SLC24A3: variants seen among roughly 807,000 people sequenced by gnomAD.
SLC24A3 encodes sodium/potassium/calcium exchanger 3.
A neutral mutation model predicts 75.8 loss-of-function variants in SLC24A3; 28 were observed. The ratio of observed to expected loss-of-function variants is 0.37; its 90% CI spans 0.27 to 0.51. SLC24A3 has a LOEUF of 0.51. Among genes scored for constraint, SLC24A3 ranks in the 20% least tolerant of loss-of-function variants. SLC24A3 has a pLI of 0.94. For synonymous variants in SLC24A3, 372 were observed against 334.1 expected, an observed-to-expected ratio of 1.11 and a Z score of -1.24; for missense variants, 663 against 847.8, an observed-to-expected ratio of 0.78 and a Z score of 2.71.
chr20:19,663,757 G>A (rs148713019), intron 7 of SLC24A3, among the ~76,000 whole-genome samples: 16 of 151,958 alleles, frequency 1.1e-4, no homozygotes, highest in South Asian at 4.2e-4. Context: ...AATCTCACCC[G>A]GATTTGCCCA....
rs533691237 is a variant in SLC24A3 at position 19,249,996 on chromosome 20, G to A, written c.143-30963G>A. ...TCTTGTCTTTTGACTGATCTGAAAG[G>A]CCATCTTTCCTATTTGCAGTCCTCA... is the stretch of plus-strand genomic sequence containing the variant. On this transcript the variant is annotated intron_variant, in intron 1 of 16. Coordinates refer to ENST00000328041, the MANE Select transcript of SLC24A3 (RefSeq NM_020689.4). Among the ~76,000 whole-genome samples the A allele has an allele frequency of 5.3e-5, 8 of 152,238 alleles. No homozygotes were observed. In the South Asian group the frequency reaches 1.2e-3, roughly 24 times the overall value.
chr20:19,684,289 C>A lies in SLC24A3; in HGVS notation c.1015C>A (p.Pro339Thr). Residue 339 changes from proline (P) to threonine (T), a missense_variant, in exon 11 of 17, where the codon CCC becomes ACC. Pro to Thr is a conservative substitution (Grantham distance 38, BLOSUM62 -1). Around this residue, in one of 2 missense-constraint regions of SLC24A3, gnomAD observed 510 missense variants for 703.6 expected, o/e 0.72. Transcript: ENST00000328041. ...TCGAATCATGATAACCAGCCACTTT[C>A]CCCCCAAGACCCGGCTCTCCATGGC... ...GLRIMITSHF[P>T]PKTRLSMASR... 1 of 1,614,062 alleles carries A rather than the reference C, an allele frequency of 6.2e-7. No homozygotes were observed. Among genetic ancestry groups the A allele is most frequent in the Non-Finnish European group, 8.5e-7 (1 of 1,179,992 alleles).
chr20:19,526,063 C>T (rs658706), intron 3 of SLC24A3, among the ~76,000 whole-genome samples: 17,164 of 152,186 alleles, frequency 0.11, 1,118 homozygotes, highest in East Asian at 0.3. Context: ...TCACACCCTC[C>T]GCGGGTGTGC....
chr20:19,212,875 T>TCGCCGC lies in SLC24A3; in HGVS notation c.51_56dup (p.Arg19_Arg20dup), dbSNP rs761595384. On this transcript the variant is annotated inframe_insertion, in exon 1 of 17. Transcript: ENST00000328041. The stretch of plus-strand genomic sequence containing the variant: ...CGTCCGGCGACGAGGACCGCGCGCG[T>TCGCCGC]CGCCGCCGCCGCCGCCGCCGCCGGA... 1.6e-5 allele frequency: 20 copies of TCGCCGC among 1,254,482 alleles called. No individual in the cohort carries two copies. The highest frequency in any genetic ancestry group is 1.1e-4 in the South Asian group (4 of 37,996). The allele number at this position is 1,254,482 out of a possible 1,614,324, so 77.7% of individuals were successfully genotyped here.
intron 6 of SLC24A3, among the ~76,000 whole-genome samples, chr20:19,619,221 T>G (rs1457790071): frequency 6.6e-6 from 1 of 152,112 alleles, no homozygotes; most frequent in East Asian, 1.9e-4. Flanking sequence ...GAAAAAGCAT[T>G]ATGGCTTTCT....
intron 2 of SLC24A3, among the ~76,000 whole-genome samples, chr20:19,442,671 G>A (rs989478484): frequency 3.3e-5 from 5 of 152,096 alleles, no homozygotes; most frequent in Non-Finnish European, 7.4e-5. Flanking sequence ...TTCACTCTCT[G>A]AGCAGTGTCT....
chr20:19,459,253 G>A (rs6035344), intron 2 of SLC24A3, among the ~76,000 whole-genome samples: 3,734 of 152,236 alleles, frequency 0.025, 145 homozygotes, highest in African/African-American at 0.084. Flanking sequence ...CATGTTGGCC[G>A]GTCTTGTTAT....
chr20:19,247,757 G>A (rs1021401798), intron 1 of SLC24A3, among the ~76,000 whole-genome samples: 1 of 152,170 alleles, frequency 6.6e-6, no homozygotes, highest in African/African-American at 2.4e-5. Context: ...TTAATTAAAA[G>A]TTACTACACT....
rs6112467 is a variant in SLC24A3, at chr20:19,576,525, C to T, written c.349-3475C>T. ...GCAGCTGGAGAAGGGCTCATCACCT[C>T]GCAGGCCTCTCTGGGTGCCCAGAGG... is the stretch of plus-strand genomic sequence containing the variant. On this transcript the variant is annotated intron_variant, in intron 3 of 16. Coordinates refer to ENST00000328041, the MANE Select transcript of SLC24A3 (RefSeq NM_020689.4). Among the ~76,000 whole-genome samples the T allele has an allele frequency of 6.3e-3, 954 of 152,306 alleles. 7 individuals carry two copies. The highest frequency in any genetic ancestry group is 0.031 in the Middle Eastern group (9 of 294).
chr20:19,437,492 C>T (rs1477075343), intron 2 of SLC24A3, among the ~76,000 whole-genome samples: 3 of 152,158 alleles, frequency 2.0e-5, no homozygotes, highest in African/African-American at 7.2e-5. Context: ...TGCGTATTTC[C>T]TTATAGCAAT....
chr20:19,670,735 T>C (rs1461192508), intron 8 of SLC24A3, among the ~76,000 whole-genome samples: 1 of 152,214 alleles, frequency 6.6e-6, no homozygotes, highest in Non-Finnish European at 1.5e-5. Context: ...ATGCTACGTA[T>C]ACATTGGTGT....
At chr20:19,332,330 G>A (rs1301347235) in intron 2 of SLC24A3, among the ~76,000 whole-genome samples, 1 of 152,154 alleles carries the variant, frequency 6.6e-6, no homozygotes, top group Non-Finnish European at 1.5e-5. Context: ...TCAACAGGGA[G>A]CAAGGCAGCT....
At chr20:19,680,740 T>A (rs1167769948) in intron 9 of SLC24A3, among the ~76,000 whole-genome samples, 2 of 152,242 alleles carry the variant, frequency 1.3e-5, no homozygotes, top group African/African-American at 4.8e-5. Context: ...CTCTGAGGTC[T>A]TGTTGCCATA....
At chr20:19,475,047 A>G (rs1411695620) in intron 2 of SLC24A3, among the ~76,000 whole-genome samples, 2 of 152,222 alleles carry the variant, frequency 1.3e-5, no homozygotes, top group Non-Finnish European at 2.9e-5. Flanking sequence ...CCCCATAAAA[A>G]TCACATCCAG....
chr20:19,379,005 T>C (rs1986136614), intron 2 of SLC24A3, among the ~76,000 whole-genome samples: 1 of 152,032 alleles, frequency 6.6e-6, no homozygotes, highest in African/African-American at 2.4e-5. Flanking sequence ...TTGTATTATA[T>C]TGGACTGTTC....
intron 15 of SLC24A3, among the ~76,000 whole-genome samples, chr20:19,711,322 C>G (rs1220528108): frequency 1.3e-5 from 2 of 151,632 alleles, no homozygotes; most frequent in Non-Finnish European, 2.9e-5. Context: ...CAAACGCACA[C>G]ACATGCATGC....
intron 3 of SLC24A3, among the ~76,000 whole-genome samples, chr20:19,525,996 G>A (rs543384941): frequency 6.6e-6 from 1 of 152,288 alleles, no homozygotes; most frequent in African/African-American, 2.4e-5. Flanking sequence ...AGGGGAGTGG[G>A]AGAGGATGCC....
At chr20:19,557,977 A>G (rs935791963) in intron 3 of SLC24A3, among the ~76,000 whole-genome samples, 1 of 152,206 alleles carries the variant, frequency 6.6e-6, no homozygotes, top group African/African-American at 2.4e-5. Flanking sequence ...ATGTGTGTAC[A>G]TGCATGGGTA....
intron 9 of SLC24A3, among the ~76,000 whole-genome samples, chr20:19,676,910 G>A (rs1046549553): frequency 9.2e-5 from 14 of 152,106 alleles, no homozygotes; most frequent in African/African-American, 3.4e-4. Context: ...ACAGTCATGG[G>A]ACCTCAGCCA....
Sources: gnomAD v4.1 joint callset for allele counts (sites outside exome capture counted in the v4.1 genomes callset) on GRCh38, gnomAD v4.1.1 for gene constraint, gnomAD v4.1.1 regional missense constraint, MANE v1.5 for transcripts, NCBI Gene and HGNC (gene_info 2026-07-23, HGNC 2026-07-21) for gene names.